The following IRAG1 variants were observed in gnomAD, a reference collection of about 807,000 sequenced individuals.
IRAG1 encodes inositol 1,4,5-triphosphate receptor associated 1.
In IRAG1, 62 loss-of-function variants were observed where a neutral mutation model predicts 106.2. The ratio of observed to expected loss-of-function variants is 0.58; its 90% CI spans 0.48 to 0.72. The LOEUF is 0.72. Among genes scored for constraint, IRAG1 ranks in the 30% least tolerant of loss-of-function variants. IRAG1 has a pLI of 0.00. For missense variants in IRAG1, 1,064 were observed against 1,140.7 expected (o/e 0.93, Z 0.97); for synonymous variants, 462 against 443.9 (o/e 1.04, Z -0.51).
intron 16 of IRAG1, 59 bp from the exon 17 acceptor site, chr11:10,593,658 G>A (rs1372592750): frequency 8.4e-6 from 11 of 1,313,158 alleles, no homozygotes; most frequent in Non-Finnish European, 1.1e-5. Flanking sequence ...CCATAGTTCA[G>A]AAGGGCTGGG....
chr11:10,643,767 G>A (rs890865747), intron 2 of IRAG1, among the ~76,000 whole-genome samples: 2 of 142,448 alleles, frequency 1.4e-5, no homozygotes, highest in African/African-American at 5.0e-5. Context: ...AGCTCCGACC[G>A]CATGCTGGAG....
intron 16 of IRAG1, 52 bp from the exon 17 acceptor site, chr11:10,593,651 T>A: frequency 7.2e-7 from 1 of 1,380,510 alleles, no homozygotes; most frequent in Non-Finnish European, 1.0e-6. Context: ...GCAATAGCCA[T>A]AGTTCAGAAG....
At chr11:10,603,340 G>T in intron 13 of IRAG1, 89 bp from the exon 14 acceptor site, 3 of 1,475,442 alleles carry the variant, frequency 2.0e-6, no homozygotes, top group Non-Finnish European at 2.8e-6. Context: ...CTCAGGGACT[G>T]GTTTGGAAGA....
At chr11:10,650,569 A>G (rs941564940) in intron 2 of IRAG1, among the ~76,000 whole-genome samples, 2 of 152,166 alleles carry the variant, frequency 1.3e-5, no homozygotes, top group Non-Finnish European at 1.5e-5. Context: ...AGGGATGCTA[A>G]GGAGACAGAG....
intron 2 of IRAG1, among the ~76,000 whole-genome samples, chr11:10,642,972 C>T (rs1239403856): frequency 6.6e-6 from 1 of 151,948 alleles, no homozygotes; most frequent in Non-Finnish European, 1.5e-5. Flanking sequence ...GAGATCGAGA[C>T]CATCTTGGCT....
chr11:10,669,399 G>A (rs1860040116), intron 1 of IRAG1, among the ~76,000 whole-genome samples: 1 of 152,198 alleles, frequency 6.6e-6, no homozygotes, highest in African/African-American at 2.4e-5. Context: ...ACCAACTCAT[G>A]GTGAGTGAAA....
At position 10,652,072 on chromosome 11, in the gene IRAG1, C is replaced by T. The variant is rs759174494; in HGVS notation, c.178G>A (p.Glu60Lys). Residue 60 changes from glutamate to lysine, a missense_variant, in exon 2 of 21, where the codon GAG becomes AAG. By Grantham distance (56) the Glu-to-Lys change is moderately conservative. Coordinates refer to ENST00000423302, the MANE Select transcript of IRAG1 (RefSeq NM_130385.4). ...GCCTGTGGCTCTCCGGGGGGCTCCTCGTCCTCGGGAATGTGGGGCATGGCA... is the reference window on the plus strand; with the variant it reads ...GCCTGTGGCTCTCCGGGGGGCTCCTTGTCCTCGGGAATGTGGGGCATGGCA... ...EAAMPHIPED[E>K]EPPGEPQAAQ... 1.3e-4 allele frequency: 201 copies of T among 1,598,614 alleles called. No individual in the cohort carries two copies. The highest frequency in any genetic ancestry group is 1.5e-4 in the Non-Finnish European group (172 of 1,173,316).
intron 1 of IRAG1, among the ~76,000 whole-genome samples, chr11:10,676,336 T>TG (rs1188970892): frequency 6.6e-6 from 1 of 152,226 alleles, no homozygotes; most frequent in Non-Finnish European, 1.5e-5. Context: ...GTCAGTGCTT[T>TG]GGGGGGCAGC....
rs767617550 is a variant in IRAG1 at position 10,581,958 on chromosome 11, C to T, written c.2269G>A (p.Glu757Lys). Residue 757 changes from glutamate to lysine, a missense_variant, in exon 19 of 21, where the codon GAA becomes AAA. Physicochemically the swap from Glu to Lys is moderately conservative, Grantham distance 56. Transcript: ENST00000423302. ...AGGGTCAGCGCAGGAGCAGAGGCTT[C>T]ACAATCTGGGTCCCCATTTGTCTTT... ...NGKTNGDPDC[E>K]ASAPALTLSC... 1 of 1,613,758 alleles carries T rather than the reference C, an allele frequency of 6.2e-7. No individual in the cohort carries two copies. Among genetic ancestry groups the T allele is most frequent in the Non-Finnish European group, 8.5e-7 (1 of 1,179,746 alleles).
intron 2 of IRAG1, among the ~76,000 whole-genome samples, chr11:10,648,667 G>A (rs188441674): frequency 2.8e-4 from 43 of 152,230 alleles, no homozygotes; most frequent in Admixed American, 2.8e-3. Context: ...CCTGTTCAAG[G>A]GCCAATGCAG....
At chr11:10,591,823 T>G (rs1471176475) in intron 17 of IRAG1, among the ~76,000 whole-genome samples, 4 of 152,196 alleles carry the variant, frequency 2.6e-5, no homozygotes, top group Non-Finnish European at 5.9e-5. Flanking sequence ...TGCAGCTTCC[T>G]CCTTTTCCTT....
At chr11:10,576,989 C>T (rs907385978) in intron 20 of IRAG1, among the ~76,000 whole-genome samples, 36 of 152,332 alleles carry the variant, frequency 2.4e-4, no homozygotes, top group African/African-American at 8.2e-4. Context: ...CACCTAGCTG[C>T]ATTAATGATC....
chr11:10,585,758 G>A (rs1348046383), intron 18 of IRAG1, among the ~76,000 whole-genome samples: 2 of 151,974 alleles, frequency 1.3e-5, no homozygotes, highest in Non-Finnish European at 2.9e-5. Context: ...CCACCTAGGT[G>A]GGGTATTATC....
intron 15 of IRAG1, chr11:10,595,728 G>A (rs1041159513): frequency 6.6e-6 from 1 of 152,080 alleles, no homozygotes; most frequent in African/African-American, 2.4e-5. Context: ...TAGGTTCAGG[G>A]TACATGTGCA....
chr11:10,640,066 A>T (rs986342658), intron 2 of IRAG1, among the ~76,000 whole-genome samples: 2 of 152,176 alleles, frequency 1.3e-5, no homozygotes, highest in African/African-American at 4.8e-5. Context: ...AAGGGGAAGT[A>T]ACCTCCACTG....
At chr11:10,639,588 T>C (rs1589894118) in intron 2 of IRAG1, among the ~76,000 whole-genome samples, 1 of 152,100 alleles carries the variant, frequency 6.6e-6, no homozygotes, top group South Asian at 2.1e-4. Flanking sequence ...CATCCTGACC[T>C]CTCCTCTGCC....
intron 1 of IRAG1, among the ~76,000 whole-genome samples, chr11:10,685,900 C>A (rs568387377): frequency 2.6e-5 from 4 of 152,074 alleles, no homozygotes; most frequent in Non-Finnish European, 5.9e-5. Context: ...CTCTTAGAAG[C>A]CAACTAGCCA....
intron 10 of IRAG1, among the ~76,000 whole-genome samples, chr11:10,611,386 G>C (rs532981325): frequency 6.6e-6 from 1 of 152,270 alleles, no homozygotes; most frequent in South Asian, 2.1e-4. Flanking sequence ...ACTCAACAGA[G>C]AGTCAACTGA....
intron 1 of IRAG1, among the ~76,000 whole-genome samples, chr11:10,661,337 C>T (rs182758460): frequency 6.6e-6 from 1 of 152,324 alleles, no homozygotes; most frequent in East Asian, 1.9e-4. Flanking sequence ...CCTTCATAAA[C>T]CCATTCCTCC....
Sources: gnomAD v4.1 joint callset for allele counts (sites outside exome capture counted in the v4.1 genomes callset) on GRCh38, gnomAD v4.1.1 for gene constraint, MANE v1.5 for transcripts, NCBI Gene and HGNC (gene_info 2026-07-23, HGNC 2026-07-21) for gene names.